Variants in USP22 observed in about 807,000 individuals in gnomAD.
USP22 encodes ubiquitin carboxyl-terminal hydrolase 22.
Under a neutral mutation model 68.1 loss-of-function variants are expected in USP22, and 22 were observed. The observed-to-expected ratio is 0.32, with a 90% CI of 0.23 to 0.46. The LOEUF is 0.46. Among genes scored for constraint, USP22 ranks in the 20% least tolerant of loss-of-function variants. The pLI is 1.00. For synonymous variants in USP22, 279 were observed against 274.2 expected (o/e 1.02, Z -0.17); for missense variants, 433 against 695.8 (o/e 0.62, Z 4.25).
Position 21,000,773 on chromosome 17 carries a change from C to T in USP22, c.*2258G>A, listed in dbSNP as rs1306729595. The T allele has an allele frequency of 6.6e-6, 1 of 152,202 alleles. No individual in the cohort carries two copies. The highest frequency in any genetic ancestry group is 1.5e-5 in the Non-Finnish European group (1 of 68,082). The allele number at this position is 152,202 out of a possible 1,614,324, so 9.4% of individuals were successfully genotyped here. A position where few individuals can be genotyped will look rare whatever the true frequency, so the allele number is the denominator to read the frequency against. ...TTAGATTTGTTCCTAATTAAAAGAC[C>T]ACTCATAGGCCAGGTGCGGTGGCTC... On this transcript the variant is annotated 3_prime_UTR_variant, in exon 13 of 13. Coordinates refer to ENST00000261497, the MANE Select transcript of USP22 (RefSeq NM_015276.2).
intron 12 of USP22, among the ~76,000 whole-genome samples, chr17:21,003,571 A>T (rs182707753): frequency 6.6e-6 from 1 of 152,316 alleles, no homozygotes; most frequent in African/African-American, 2.4e-5. Flanking sequence ...TCTCTATGCC[A>T]TGAAGGAATG....
Position 21,004,140 on chromosome 17 carries a change from C to T in USP22, c.1535+62G>A, listed in dbSNP as rs1223755595. ...AGGCTCAGACATGGGCTAGTCTCAG[C>T]TATACCGGAGGGGAAGCACCGTAGC... On this transcript the variant is annotated intron_variant, in intron 12 of 12. Coordinates refer to ENST00000261497, the MANE Select transcript of USP22 (RefSeq NM_015276.2). The T allele has an allele frequency of 1.1e-5, 18 of 1,586,490 alleles. No homozygotes were observed. In the African/African-American group the frequency reaches 1.7e-4, roughly 15 times the overall value.
intron 1 of USP22, among the ~76,000 whole-genome samples, chr17:21,040,370 G>A (rs1397683907): frequency 2.0e-5 from 3 of 152,152 alleles, no homozygotes; most frequent in South Asian, 2.1e-4. Context: ...AGTGATACAG[G>A]TAAATAAGTC....
At chr17:21,040,907 G>T (rs1904230) in intron 1 of USP22, among the ~76,000 whole-genome samples, 1 of 148,092 alleles carries the variant, frequency 6.8e-6, no homozygotes, top group Non-Finnish European at 1.5e-5. Flanking sequence ...TTTTTCCGGA[G>T]GGGGTCTTGC....
intron 1 of USP22, among the ~76,000 whole-genome samples, chr17:21,042,065 G>A (rs1177944989): frequency 6.6e-6 from 1 of 152,198 alleles, no homozygotes; most frequent in African/African-American, 2.4e-5. Context: ...CCCAGCTCCC[G>A]TCCAAGGTCG....
chr17:21,036,030 CAAAAAAAAAAAA>C (rs35324126), intron 1 of USP22, among the ~76,000 whole-genome samples: 3 of 59,638 alleles, frequency 5.0e-5, no homozygotes, highest in East Asian at 4.9e-4. Flanking sequence ...GACTCCGTCT[CAAAAAAAAAAAA>C]AAAAAAAAAA....
intron 2 of USP22, among the ~76,000 whole-genome samples, chr17:21,026,843 C>T (rs964466402): frequency 6.7e-6 from 1 of 149,022 alleles, no homozygotes; most frequent in Non-Finnish European, 1.5e-5. Context: ...GCTGTGTTGT[C>T]CAGGCTGGAG....
At position 21,021,150 on chromosome 17, in the gene USP22, G is replaced by T; in HGVS notation, c.381C>A (p.Ile127=). ...AAGCTTTTCGCTGCTCCTCCTTGGC[G>T]ATTATTTCCATGTCTTTGTCATAGA... ...DYIYDKDMEI[I]AKEEQRKAWK... Residue 127 remains isoleucine (I), a synonymous_variant, in exon 3 of 13, where the codon ATC becomes ATA. Coordinates refer to ENST00000261497, the MANE Select transcript of USP22 (RefSeq NM_015276.2). 6.2e-7 allele frequency: 1 copy of T among 1,614,144 alleles called. No homozygotes were observed. Among genetic ancestry groups the T allele is most frequent in the East Asian group, 2.2e-5 (1 of 44,886 alleles).
intron 8 of USP22, among the ~76,000 whole-genome samples, chr17:21,010,658 T>A (rs1186478970): frequency 1.5e-5 from 2 of 136,414 alleles, no homozygotes; most frequent in African/African-American, 5.7e-5. Flanking sequence ...AGCACAACTC[T>A]GTCTCAAAAA....
rs189790997 is a variant in USP22, at chr17:21,018,141, T to C, written c.521-30A>G. Reference sequence around the variant, plus strand: ...ACACAAATCACCAGAGAGCAGGAGTTACCTGTGTGCTGAACCACAGGTGTC... The same window carrying C: ...ACACAAATCACCAGAGAGCAGGAGTCACCTGTGTGCTGAACCACAGGTGTC... On this transcript the variant is annotated intron_variant, in intron 4 of 12. Transcript: ENST00000261497. The C allele has an allele frequency of 4.0e-4, 622 of 1,540,112 alleles. 5 individuals are homozygous for C. In the African/African-American group the frequency reaches 7.9e-3, roughly 20 times the overall value.
At chr17:21,028,142 C>T (rs1972244921) in intron 2 of USP22, among the ~76,000 whole-genome samples, 1 of 152,138 alleles carries the variant, frequency 6.6e-6, no homozygotes, top group South Asian at 2.1e-4. Context: ...TGCTGAAGGC[C>T]ATAAAATCAC....
At chr17:21,031,546 C>T (rs1228834802) in intron 1 of USP22, among the ~76,000 whole-genome samples, 1 of 150,736 alleles carries the variant, frequency 6.6e-6, no homozygotes, top group Non-Finnish European at 1.5e-5. Flanking sequence ...TAGTCTATCT[C>T]TACTACACAA....
At chr17:21,017,652 G>A in intron 5 of USP22, among the ~76,000 whole-genome samples, 1 of 152,182 alleles carries the variant, frequency 6.6e-6, no homozygotes, top group South Asian at 2.1e-4. Context: ...GAGGAAGGGG[G>A]AGAATCACCC....
Position 21,002,959 on chromosome 17 carries a change from G to GGT in USP22, c.*71_*72insAC. On this transcript the variant is annotated 3_prime_UTR_variant, in exon 13 of 13. Transcript: ENST00000261497. ...GCGGCGGGAGACTTGGGGGAGGGGGGGGCCAGGGAGGATCACTTTGTGAGG... is the reference window on the plus strand; with the variant it reads ...GCGGCGGGAGACTTGGGGGAGGGGGGGTGGCCAGGGAGGATCACTTTGTGAGG... 4 of 1,584,434 alleles carry GGT rather than the reference G, an allele frequency of 2.5e-6. No homozygotes were observed. The highest frequency in any genetic ancestry group is 2.2e-5 in the East Asian group (1 of 44,520).
intron 8 of USP22, among the ~76,000 whole-genome samples, chr17:21,009,328 C>T (rs1482746385): frequency 1.3e-5 from 2 of 152,158 alleles, no homozygotes; most frequent in Non-Finnish European, 2.9e-5. Flanking sequence ...CTTATTTATG[C>T]TCTGGAAATT....
At chr17:21,015,425 G>A (rs1914101019) in intron 6 of USP22, among the ~76,000 whole-genome samples, 2 of 152,264 alleles carry the variant, frequency 1.3e-5, no homozygotes, top group East Asian at 3.9e-4. Context: ...AACCCACAGG[G>A]TCCCAGAAAT....
rs1238238561 is a variant in USP22, at chr17:21,007,933, G to A, written c.1167C>T (p.Tyr389=). 6 of 1,614,174 alleles carry A rather than the reference G, an allele frequency of 3.7e-6. No individual in the cohort carries two copies. The South Asian group carries it at 5.5e-5, about 15-fold the overall frequency. The stretch of plus-strand genomic sequence containing the variant: ...TAGTGAGCTGCTTTGTGGACTCCTG[G>A]TAGCTATGGCAACCGCTGCACTTGA... ...AKIKCSGCHS[Y]QESTKQLTMK... is the part of the protein sequence containing the mutation. Residue 389 remains tyrosine (Y), a synonymous_variant, in exon 9 of 13, where the codon TAC becomes TAT. Coordinates refer to ENST00000261497, the MANE Select transcript of USP22 (RefSeq NM_015276.2).
At chr17:21,007,535 T>C (rs532895444) in intron 9 of USP22, among the ~76,000 whole-genome samples, 2 of 152,316 alleles carry the variant, frequency 1.3e-5, no homozygotes, top group African/African-American at 4.8e-5. Context: ...CAGATCTGCA[T>C]GCTGAGGGCC....
At chr17:21,015,241 G>A (rs1914094813) in intron 6 of USP22, among the ~76,000 whole-genome samples, 1 of 152,202 alleles carries the variant, frequency 6.6e-6, no homozygotes, top group Admixed American at 6.5e-5. Flanking sequence ...GGACTATGTT[G>A]GGGGAGATGG....
Sources: gnomAD v4.1 joint callset for allele counts (sites outside exome capture counted in the v4.1 genomes callset) on GRCh38, gnomAD v4.1.1 for gene constraint, MANE v1.5 for transcripts, NCBI Gene and HGNC (gene_info 2026-07-23, HGNC 2026-07-21) for gene names.